KIRREL3: variants seen among roughly 807,000 people sequenced by gnomAD.
KIRREL3 encodes kirre like nephrin family adhesion molecule 3, also known as kin of IRRE-like protein 3.
Under a neutral mutation model 89.7 loss-of-function variants are expected in KIRREL3, and 36 were observed. The ratio of observed to expected loss-of-function variants is 0.40; its 90% confidence interval spans 0.31 to 0.53. KIRREL3 has a LOEUF of 0.53. Ranked by LOEUF, KIRREL3 falls within the 20% of genes least tolerant of loss-of-function variation. The pLI is 0.49. For missense variants in KIRREL3, 864 were observed against 1,056.6 expected (o/e 0.82, Z 2.53); for synonymous variants, 445 against 441.4 (o/e 1.01, Z -0.10).
intron 1 of KIRREL3, among the ~76,000 whole-genome samples, chr11:126,925,384 T>C (rs1380423903): frequency 1.3e-5 from 2 of 152,130 alleles, no homozygotes; most frequent in African/African-American, 4.8e-5. Context: ...GAAGAAGGGA[T>C]GGGACAGTGA....
intron 1 of KIRREL3, chr11:126,936,583 T>C (rs1023490521): frequency 6.8e-6 from 1 of 147,722 alleles, no homozygotes; most frequent in Admixed American, 6.7e-5. Context: ...CAAATGCATA[T>C]TGAATGCATA....
chr11:126,912,704 T>C lies in KIRREL3; in HGVS notation c.55+87751A>G, dbSNP rs1946873131. 6.6e-6 allele frequency among the ~76,000 whole-genome samples: 1 copy of C among 152,222 alleles called. No homozygotes were observed. The highest frequency in any genetic ancestry group is 2.4e-5 in the African/African-American group (1 of 41,456). On this transcript the variant is annotated intron_variant, in intron 1 of 16. Transcript: ENST00000525144. The surrounding 1 kb of genome is among the most constrained non-coding windows in gnomAD (Gnocchi z 4.7). ...TCATCATGTTTCTGGGGTCTTTGTTTCAAATGTGAGGCACAACAGAGCATC... is the reference window on the plus strand; with the variant it reads ...TCATCATGTTTCTGGGGTCTTTGTTCCAAATGTGAGGCACAACAGAGCATC...
In KIRREL3 at chr11:126,443,569, C is replaced by T. The variant is rs1175564044; in HGVS notation, c.1252+1410G>A. Among the ~76,000 whole-genome samples the T allele has an allele frequency of 6.6e-6, 1 of 151,246 alleles. No individual in the cohort carries two copies. Among genetic ancestry groups the T allele is most frequent in the Non-Finnish European group, 1.5e-5 (1 of 67,882 alleles). Reference sequence around the variant, plus strand: ...AGACTCAGCCTCCCTTGGGGGCTGCCACGACTCTGGGGTGGGGGGAGAGGA... The same window carrying T: ...AGACTCAGCCTCCCTTGGGGGCTGCTACGACTCTGGGGTGGGGGGAGAGGA... On this transcript the variant is annotated intron_variant, in intron 10 of 16. Coordinates refer to ENST00000525144, the MANE Select transcript of KIRREL3 (RefSeq NM_032531.4). The surrounding 1 kb of genome is among the most constrained non-coding windows in gnomAD (Gnocchi z 7.3).
chr11:126,789,746 C>T (rs1353679980), intron 1 of KIRREL3, among the ~76,000 whole-genome samples: 1 of 152,204 alleles, frequency 6.6e-6, no homozygotes, highest in Non-Finnish European at 1.5e-5. Context: ...GTACCATGCA[C>T]TCTGTGGTTT....
rs1947088756 is a variant in KIRREL3 at position 126,917,499 on chromosome 11, C to A, written c.55+82956G>T. On this transcript the variant is annotated intron_variant, in intron 1 of 16. Coordinates refer to ENST00000525144, the MANE Select transcript of KIRREL3 (RefSeq NM_032531.4). The surrounding 1 kb of genome is among the most constrained non-coding windows in gnomAD (Gnocchi z 5.0). ...CCACAATAAAAAAATTAAAAAAAAA[C>A]AAGGAAAAACCTGCAAACAACAAAA... is the stretch of plus-strand genomic sequence containing the variant. Among the ~76,000 whole-genome samples, 1 of 151,512 alleles carries A rather than the reference C, an allele frequency of 6.6e-6. No homozygotes were observed. Among genetic ancestry groups the A allele is most frequent in the Admixed American group, 6.6e-5 (1 of 15,224 alleles).
rs1956465889 is a variant in KIRREL3, at chr11:126,459,078, CA to C, written c.743-2625del. Among the ~76,000 whole-genome samples, 6 of 152,118 alleles carry C rather than the reference CA, an allele frequency of 3.9e-5. No individual in the cohort carries two copies. The highest frequency in any genetic ancestry group is 3.9e-4 in the Admixed American group (6 of 15,278). On this transcript the variant is annotated intron_variant, in intron 6 of 16. Transcript: ENST00000525144. This position sits in a 1 kb window ranked among gnomAD's most constrained non-coding sequence, Gnocchi z 4.8. ...GGAGCTTGGGAATCGCCACCGGATC[CA>C]AACGCATTGCTGGCCCGTGCCCTCG...
At chr11:126,700,428 G>A (rs1947270031) in intron 1 of KIRREL3, among the ~76,000 whole-genome samples, 1 of 152,224 alleles carries the variant, frequency 6.6e-6, no homozygotes, top group Non-Finnish European at 1.5e-5. Context: ...GGAAAACGAT[G>A]TGAGGTCCCC....
Position 127,000,398 on chromosome 11 carries a change from C to T in KIRREL3, c.55+57G>A. 1 of 1,493,862 alleles carries T rather than the reference C, an allele frequency of 6.7e-7. No homozygotes were observed. The highest frequency in any genetic ancestry group is 9.1e-7 in the Non-Finnish European group (1 of 1,096,852). 92.5% of individuals were successfully genotyped at this position (1,493,862 alleles called of 1,614,324 possible). A position where few individuals can be genotyped will look rare whatever the true frequency, so the allele number is the denominator to read the frequency against. ...TGCCCACGTTCCTGCCCACAGCCTC[C>T]CGCGCCCTGACAACCCAGCCGACTT... On this transcript the variant is annotated intron_variant, in intron 1 of 16. Transcript: ENST00000525144. The surrounding 1 kb of genome is among the most constrained non-coding windows in gnomAD (Gnocchi z 7.1).
intron 1 of KIRREL3, among the ~76,000 whole-genome samples, chr11:126,602,726 A>G (rs1565584785): frequency 1.3e-5 from 2 of 152,126 alleles, no homozygotes; most frequent in Non-Finnish European, 2.9e-5. Flanking sequence ...TATGATACTT[A>G]CTGAGACCTT....
At chr11:126,927,234 ACAC>A (rs1947758041) in intron 1 of KIRREL3, among the ~76,000 whole-genome samples, 1 of 152,164 alleles carries the variant, frequency 6.6e-6, no homozygotes, top group Non-Finnish European at 1.5e-5. Flanking sequence ...GTAAGCACAC[ACAC>A]ACACACGCAC....
At chr11:126,972,717 G>A (rs775524229) in intron 1 of KIRREL3, among the ~76,000 whole-genome samples, 2 of 152,104 alleles carry the variant, frequency 1.3e-5, no homozygotes, top group Non-Finnish European at 2.9e-5. Flanking sequence ...GACCCTGCCT[G>A]ACACCGTGTC....
intron 1 of KIRREL3, among the ~76,000 whole-genome samples, chr11:126,688,111 G>T (rs1946736409): frequency 1.3e-5 from 2 of 152,362 alleles, no homozygotes; most frequent in Admixed American, 6.5e-5. Context: ...CTTGAAGATG[G>T]ATGGAGGTGG....
In KIRREL3 at chr11:126,462,149, G is replaced by T. The variant is rs1295921843; in HGVS notation, c.742+1008C>A. ...CAGGGGTCTCTGTTAGGTGGTTGTG[G>T]GATGCGATGCTGGTGGAGCCCTGAA... On this transcript the variant is annotated intron_variant, in intron 6 of 16. Transcript: ENST00000525144. The surrounding 1 kb of genome is among the most constrained non-coding windows in gnomAD (Gnocchi z 4.8). Among the ~76,000 whole-genome samples the T allele has an allele frequency of 1.3e-5, 2 of 152,102 alleles. No homozygotes were observed. Among genetic ancestry groups the T allele is most frequent in the East Asian group, 1.9e-4 (1 of 5,188 alleles).
chr11:126,935,895 G>C (rs1027013456), intron 1 of KIRREL3: 1 of 152,154 alleles, frequency 6.6e-6, no homozygotes, highest in African/African-American at 2.4e-5. Context: ...GTAATGATGT[G>C]TCAATGGAGG....
At chr11:126,675,672 G>A (rs896545576) in intron 1 of KIRREL3, among the ~76,000 whole-genome samples, 2 of 152,170 alleles carry the variant, frequency 1.3e-5, no homozygotes, top group African/African-American at 4.8e-5. Context: ...GGATGACTGG[G>A]AGCCAACCAT....
In KIRREL3 at chr11:126,578,560, A is replaced by G. The variant is rs980233510; in HGVS notation, c.56-15648T>C. On this transcript the variant is annotated intron_variant, in intron 1 of 16. Coordinates refer to ENST00000525144, the MANE Select transcript of KIRREL3 (RefSeq NM_032531.4). The surrounding 1 kb of genome is among the most constrained non-coding windows in gnomAD (Gnocchi z 4.9). ...TGTGGGTGGACACATTGTGAACAGTAAGTATCATGAATGTGTGACAGCATG... is the reference window on the plus strand; with the variant it reads ...TGTGGGTGGACACATTGTGAACAGTGAGTATCATGAATGTGTGACAGCATG... Among the ~76,000 whole-genome samples the G allele has an allele frequency of 9.9e-5, 15 of 152,140 alleles. No homozygotes were observed. Among genetic ancestry groups the G allele is most frequent in the African/African-American group, 3.1e-4 (13 of 41,430 alleles).
At chr11:126,472,581 C>T (rs1015767053) in intron 5 of KIRREL3, among the ~76,000 whole-genome samples, 1 of 152,160 alleles carries the variant, frequency 6.6e-6, no homozygotes, top group Non-Finnish European at 1.5e-5. Flanking sequence ...AACATTCAGA[C>T]CGTGATTGCA....
At chr11:126,480,931 C>T (rs955130153) in intron 4 of KIRREL3, among the ~76,000 whole-genome samples, 3 of 152,288 alleles carry the variant, frequency 2.0e-5, no homozygotes, top group Non-Finnish European at 2.9e-5. Context: ...CTAATGGCCA[C>T]AATGGAGAAC....
intron 1 of KIRREL3, among the ~76,000 whole-genome samples, chr11:126,827,276 C>A (rs1361208928): frequency 1.3e-5 from 2 of 151,890 alleles, no homozygotes; most frequent in Non-Finnish European, 2.9e-5. Flanking sequence ...CTCCCATGTT[C>A]AAGTGAGTCT....
Sources: allele counts gnomAD v4.1 joint callset (sites outside exome capture counted in the v4.1 genomes callset), GRCh38; gene constraint gnomAD v4.1.1; non-coding constraint Gnocchi (gnomAD v3.1); transcripts MANE v1.5; gene names NCBI Gene and HGNC (gene_info 2026-07-23, HGNC 2026-07-21).